The following TGFBR1 variants were observed in gnomAD, a reference collection of about 807,000 sequenced individuals.
TGFBR1 encodes the protein transforming growth factor beta receptor 1.
In TGFBR1, 20 loss-of-function variants were observed where a neutral mutation model predicts 55.1. That is an observed-to-expected ratio of 0.36 (90% CI 0.26 to 0.53). The LOEUF (loss-of-function observed/expected upper bound fraction) is 0.53. TGFBR1 is among the 20% of genes least tolerant of loss of function. The probability of loss-of-function intolerance (pLI) is 0.91; values close to 1 mark genes in which losing one functional copy is unlikely to be tolerated. For synonymous variants in TGFBR1, 220 were observed against 214.8 expected, an observed-to-expected ratio of 1.02 and a Z score of -0.21; for missense variants, 385 against 617.6, an observed-to-expected ratio of 0.62 and a Z score of 3.99.
At position 99,132,341 on chromosome 9, in the gene TGFBR1, AT is replaced by A. The variant is rs548689645; in HGVS notation, c.344-166del. Among the ~76,000 whole-genome samples the A allele has an allele frequency of 5.3e-5, 8 of 152,230 alleles. No individual in the cohort carries two copies. The South Asian group carries it at 1.7e-3, about 32-fold the overall frequency. ...AAGGAGGCCTAGTGGGAGAAGACTG[AT>A]TCACTTGTTCTGGGTTTGAGCCCTG... On this transcript the variant is annotated intron_variant, in intron 2 of 8. Transcript: ENST00000374994.
Position 99,147,646 on chromosome 9 carries a change from T to C in TGFBR1, c.1256-8T>C, listed in dbSNP as rs1187207740. 19 of 1,612,442 alleles carry C rather than the reference T, an allele frequency of 1.2e-5. No individual in the cohort carries two copies. The highest frequency in any genetic ancestry group is 3.3e-4 in the Middle Eastern group (2 of 6,076). On this transcript the variant is annotated splice_polypyrimidine_tract_variant and splice_region_variant and intron_variant, in intron 7 of 8. Coordinates refer to ENST00000374994, the MANE Select transcript of TGFBR1 (RefSeq NM_004612.4). Reference sequence around the variant, plus strand: ...CATCAAAATTTAATTTTTTTTAAACTGATACAGGAATTCATGAAGATTACC... The same window carrying C: ...CATCAAAATTTAATTTTTTTTAAACCGATACAGGAATTCATGAAGATTACC...
intron 1 of TGFBR1, among the ~76,000 whole-genome samples, chr9:99,110,919 G>A (rs908817135): frequency 6.6e-6 from 1 of 152,182 alleles, no homozygotes; most frequent in South Asian, 2.1e-4. Context: ...ATGGGGTCAC[G>A]TACGTCCATG....
At chr9:99,132,774 C>T in intron 3 of TGFBR1, 35 bp downstream of exon 3, 1 of 1,613,012 alleles carries the variant, frequency 6.2e-7, no homozygotes, top group Non-Finnish European at 8.5e-7. Context: ...CCTAAGACAT[C>T]TTTTTAAAAT....
chr9:99,140,832 A>G (rs959903218), intron 4 of TGFBR1, among the ~76,000 whole-genome samples: 15 of 152,198 alleles, frequency 9.9e-5, no homozygotes, highest in Admixed American at 8.5e-4. Flanking sequence ...TCACATTCCA[A>G]GTTACAAACA....
At chr9:99,141,991 C>T (rs1827627971) in intron 4 of TGFBR1, among the ~76,000 whole-genome samples, 1 of 152,196 alleles carries the variant, frequency 6.6e-6, no homozygotes. Context: ...GAATCATAAT[C>T]ATCTTGTCTT....
At chr9:99,123,646 A>G (rs1826957271) in intron 1 of TGFBR1, among the ~76,000 whole-genome samples, 2 of 152,144 alleles carry the variant, frequency 1.3e-5, no homozygotes, top group Non-Finnish European at 2.9e-5. Flanking sequence ...TTTTCTTTTT[A>G]AAATTTTTAA....
At chr9:99,133,687 C>T (rs1827323136) in intron 3 of TGFBR1, among the ~76,000 whole-genome samples, 1 of 152,112 alleles carries the variant, frequency 6.6e-6, no homozygotes, top group African/African-American at 2.4e-5. Flanking sequence ...AAAAACACTT[C>T]AAGTGGTTTG....
chr9:99,112,851 T>G (rs567580618), intron 1 of TGFBR1, among the ~76,000 whole-genome samples: 4 of 152,080 alleles, frequency 2.6e-5, no homozygotes, highest in Non-Finnish European at 1.5e-5. Flanking sequence ...TAAAAAAAAA[T>G]GGAACCTAGT....
chr9:99,128,545 G>A (rs1406558140), intron 1 of TGFBR1: 1 of 424,266 alleles, frequency 2.4e-6, no homozygotes, highest in Non-Finnish European at 4.4e-6. Flanking sequence ...TAATGGGAAG[G>A]CAAATGCTTG....
At chr9:99,107,877 G>A (rs931414031) in intron 1 of TGFBR1, among the ~76,000 whole-genome samples, 1 of 151,990 alleles carries the variant, frequency 6.6e-6, no homozygotes, top group Admixed American at 6.5e-5. Flanking sequence ...CTTTTTTTGG[G>A]AGTGCGAGAA....
At chr9:99,132,019 A>C (rs1827242250) in intron 2 of TGFBR1, among the ~76,000 whole-genome samples, 1 of 150,976 alleles carries the variant, frequency 6.6e-6, no homozygotes, top group African/African-American at 2.4e-5. Context: ...TGAGTTGTTT[A>C]GAAGTGATGA....
At chr9:99,118,112 G>C (rs889236079) in intron 1 of TGFBR1, among the ~76,000 whole-genome samples, 1 of 151,980 alleles carries the variant, frequency 6.6e-6, no homozygotes, top group African/African-American at 2.4e-5. Context: ...TTTAAAAAAC[G>C]TTTTCTATTT....
chr9:99,153,010 G>A lies in TGFBR1; in HGVS notation c.*3705G>A, dbSNP rs535550887. 1.3e-5 allele frequency: 3 copies of A among 228,552 alleles called. No individual in the cohort carries two copies. Among genetic ancestry groups the A allele is most frequent in the African/African-American group, 2.2e-5 (1 of 45,230 alleles). 14.2% of individuals were successfully genotyped at this position (228,552 alleles called of 1,614,324 possible). ...TTATTACAACTTAAAAGGAACTTCA[G>A]TGAATTTGTTTTTATTTTTTAACAA... On this transcript the variant is annotated 3_prime_UTR_variant, in exon 9 of 9. Coordinates refer to ENST00000374994, the MANE Select transcript of TGFBR1 (RefSeq NM_004612.4).
At chr9:99,123,363 A>G (rs1301891846) in intron 1 of TGFBR1, among the ~76,000 whole-genome samples, 1 of 152,110 alleles carries the variant, frequency 6.6e-6, no homozygotes, top group Admixed American at 6.6e-5. Context: ...AGACTGGGGC[A>G]TGGAAACAAA....
chr9:99,135,587 AGT>A (rs1491043685), intron 3 of TGFBR1, among the ~76,000 whole-genome samples: 1 of 152,180 alleles, frequency 6.6e-6, no homozygotes, highest in Admixed American at 6.5e-5. Flanking sequence ...CAAGTGTGTG[AGT>A]GTGCACATGT....
intron 7 of TGFBR1, 113 bp from the exon 8 acceptor site, chr9:99,147,541 A>G (rs1050873261): frequency 4.4e-5 from 45 of 1,011,432 alleles, no homozygotes; most frequent in Non-Finnish European, 6.1e-5. Context: ...TCTCTGTTCC[A>G]CATACCTACT....
chr9:99,121,216 G>A (rs1353005148), intron 1 of TGFBR1, among the ~76,000 whole-genome samples: 1 of 152,148 alleles, frequency 6.6e-6, no homozygotes, highest in East Asian at 1.9e-4. Context: ...AAAATTTTAT[G>A]TACATTATAT....
At chr9:99,108,145 T>C (rs1009764277) in intron 1 of TGFBR1, among the ~76,000 whole-genome samples, 1 of 152,382 alleles carries the variant, frequency 6.6e-6, no homozygotes, top group Admixed American at 6.5e-5. Context: ...CTTTAATATT[T>C]ATACTGTTTT....
intron 3 of TGFBR1, among the ~76,000 whole-genome samples, chr9:99,134,818 A>T (rs1321814152): frequency 1.2e-5 from 1 of 81,506 alleles, no homozygotes; most frequent in African/African-American, 4.7e-5. Context: ...ATATATATAT[A>T]TATATATATA....
Sources: gnomAD v4.1 joint callset for allele counts (sites outside exome capture counted in the v4.1 genomes callset) on GRCh38, gnomAD v4.1.1 for gene constraint, MANE v1.5 for transcripts, NCBI Gene and HGNC (gene_info 2026-07-23, HGNC 2026-07-21) for gene names.